Variants in NTRK3 observed in about 807,000 individuals in gnomAD.
NTRK3 encodes the protein NT-3 growth factor receptor.
In NTRK3, 24 loss-of-function variants were observed where a neutral mutation model predicts 91.7. The ratio of observed to expected loss-of-function variants is 0.26; its 90% CI spans 0.19 to 0.37. The LOEUF is 0.37. Among genes scored for constraint, NTRK3 ranks in the 10% least tolerant of loss-of-function variants. The pLI is 1.00. For synonymous variants in NTRK3, 483 were observed against 404.0 expected, an observed-to-expected ratio of 1.20 and a Z score of -2.34; for missense variants, 880 against 1,068.9, an observed-to-expected ratio of 0.82 and a Z score of 2.46.
At chr15:88,150,479 GGGC>G (rs2043269210) in intron 5 of NTRK3, among the ~76,000 whole-genome samples, 1 of 152,110 alleles carries the variant, frequency 6.6e-6, no homozygotes, top group Non-Finnish European at 1.5e-5. Context: ...AGGGGGAAGT[GGGC>G]TCCTACTCTC....
rs530808338 is a variant in NTRK3 at position 87,990,271 on chromosome 15, T to C, written c.1585+42586A>G. On this transcript the variant is annotated intron_variant, in intron 14 of 18. Transcript: ENST00000394480. ...GCCACATTATCTTTTCAGACTCTTT[T>C]CTTCACTATCCCCACCCCAAGACTT... 5.3e-5 allele frequency among the ~76,000 whole-genome samples: 8 copies of C among 152,272 alleles called. No homozygotes were observed. The East Asian group carries it at 1.5e-3, about 29-fold the overall frequency.
exon 19 of NTRK3, chr15:87,876,698 T>A (rs1398934681): frequency 4.5e-6 from 1 of 220,442 alleles, no homozygotes; most frequent in African/African-American, 2.3e-5. Flanking sequence ...TATAGATTGA[T>A]AGATAGTTAG....
intron 17 of NTRK3, among the ~76,000 whole-genome samples, chr15:87,914,759 G>A (rs769430707): frequency 3.9e-5 from 6 of 152,062 alleles, no homozygotes; most frequent in African/African-American, 9.7e-5. Context: ...AGAACAAACC[G>A]GGCTGCAAAT....
chr15:88,198,369 C>T (rs1350302079), intron 3 of NTRK3, among the ~76,000 whole-genome samples: 1 of 152,208 alleles, frequency 6.6e-6, no homozygotes, highest in Non-Finnish European at 1.5e-5. Flanking sequence ...AGCCATGGTG[C>T]CTCTCCCTGC....
At chr15:87,971,109 G>A (rs1247978207) in intron 14 of NTRK3, among the ~76,000 whole-genome samples, 38 of 152,190 alleles carry the variant, frequency 2.5e-4, no homozygotes, top group Non-Finnish European at 4.4e-5. Context: ...ACGATTCTGT[G>A]AGTCATTTAA....
chr15:88,007,552 C>A (rs77591149), intron 14 of NTRK3, among the ~76,000 whole-genome samples: 3,946 of 152,334 alleles, frequency 0.026, 68 homozygotes, highest in South Asian at 0.055. Flanking sequence ...AGGAGACTCA[C>A]ACCCACAAGG....
At chr15:88,005,541 C>T (rs1025164579) in intron 14 of NTRK3, among the ~76,000 whole-genome samples, 2 of 152,178 alleles carry the variant, frequency 1.3e-5, no homozygotes, top group Admixed American at 1.3e-4. Context: ...TCTCCCACTG[C>T]ACTCTGTGTG....
intron 14 of NTRK3, among the ~76,000 whole-genome samples, chr15:87,988,804 T>C (rs992728087): frequency 4.6e-5 from 7 of 152,252 alleles, no homozygotes; most frequent in African/African-American, 7.2e-5. Context: ...CCAATTCTTT[T>C]ATTTCTTTTA....
chr15:87,959,327 T>C (rs1237082839), intron 14 of NTRK3, among the ~76,000 whole-genome samples: 7 of 152,212 alleles, frequency 4.6e-5, no homozygotes, highest in Admixed American at 3.9e-4. Flanking sequence ...TGGTGCTCAA[T>C]AAGTATTCGT....
At position 87,972,324 on chromosome 15, in the gene NTRK3, G is replaced by C. The variant is rs562729629; in HGVS notation, c.1586-31571C>G. Among the ~76,000 whole-genome samples, 9 of 152,314 alleles carry C rather than the reference G, an allele frequency of 5.9e-5. No individual in the cohort carries two copies. In the South Asian group the frequency reaches 1.7e-3, roughly 28 times the overall value. On this transcript the variant is annotated intron_variant, in intron 14 of 18. Coordinates refer to ENST00000394480, the Ensembl canonical transcript of NTRK3. The stretch of plus-strand genomic sequence containing the variant: ...GCATTACTTACCAAAGCCAGGTTTG[G>C]TAGTGTTTTCTGAGGTGACATGATG...
intron 13 of NTRK3, among the ~76,000 whole-genome samples, chr15:88,074,529 A>G (rs996081539): frequency 1.3e-5 from 2 of 152,156 alleles, no homozygotes; most frequent in African/African-American, 4.8e-5. Context: ...CCCCTGGATG[A>G]CTCAAGCTCC....
intron 3 of NTRK3, among the ~76,000 whole-genome samples, chr15:88,225,146 G>A (rs2050564584): frequency 6.6e-6 from 1 of 152,136 alleles, no homozygotes; most frequent in Non-Finnish European, 1.5e-5. Flanking sequence ...GTGATGGCAG[G>A]AATAATGAAA....
chr15:88,143,940 G>C (rs1190319275), intron 6 of NTRK3: 2 of 152,222 alleles, frequency 1.3e-5, no homozygotes, highest in African/African-American at 4.8e-5. Flanking sequence ...AGGGTATTCA[G>C]AGAAGCCTGT....
At chr15:88,079,488 C>T (rs1463411704) in intron 13 of NTRK3, among the ~76,000 whole-genome samples, 1 of 152,206 alleles carries the variant, frequency 6.6e-6, no homozygotes, top group African/African-American at 2.4e-5. Flanking sequence ...AATTCTGTCT[C>T]CAGGGCACTG....
chr15:88,029,021 A>G (rs1167591019), intron 14 of NTRK3, among the ~76,000 whole-genome samples: 1 of 152,218 alleles, frequency 6.6e-6, no homozygotes, highest in African/African-American at 2.4e-5. Flanking sequence ...CAAGTGACCC[A>G]TCTGGACTGG....
chr15:88,158,615 T>C (rs766185834), intron 5 of NTRK3, among the ~76,000 whole-genome samples: 4 of 152,260 alleles, frequency 2.6e-5, no homozygotes, highest in Non-Finnish European at 5.9e-5. Flanking sequence ...TTGAGTGTTA[T>C]TGAAACTATT....
intron 13 of NTRK3, among the ~76,000 whole-genome samples, chr15:88,057,420 T>C (rs1018644352): frequency 2.7e-5 from 4 of 149,542 alleles, no homozygotes; most frequent in African/African-American, 7.4e-5. Context: ...AACGCTGGAA[T>C]CTGGGAGGTG....
chr15:88,127,432 G>A (rs2053409573), intron 11 of NTRK3, among the ~76,000 whole-genome samples: 1 of 152,066 alleles, frequency 6.6e-6, no homozygotes, highest in Non-Finnish European at 1.5e-5. Context: ...CATCTGGCTG[G>A]TGTTACAGTT....
At chr15:87,952,911 C>A (rs1210767913) in intron 14 of NTRK3, among the ~76,000 whole-genome samples, 1 of 151,816 alleles carries the variant, frequency 6.6e-6, no homozygotes, top group Non-Finnish European at 1.5e-5. Flanking sequence ...TGATGGGGAA[C>A]AAGGTCGGAG....
Sources: gnomAD v4.1 joint callset for allele counts (sites outside exome capture counted in the v4.1 genomes callset) on GRCh38, gnomAD v4.1.1 for gene constraint, MANE v1.5 for transcripts, NCBI Gene and HGNC (gene_info 2026-07-23, HGNC 2026-07-21) for gene names.